FBLN2: variants seen among roughly 807,000 people sequenced by gnomAD.
FBLN2 encodes the protein fibulin 2.
A neutral mutation model predicts 123.7 loss-of-function variants in FBLN2; 81 were observed. The observed-to-expected ratio is 0.65, with a 90% CI of 0.55 to 0.79. The LOEUF is 0.79. Ranked by LOEUF, FBLN2 falls within the 30% of genes least tolerant of loss-of-function variation. FBLN2 has a pLI of 0.00. For missense variants in FBLN2, 1,603 were observed against 1,681.3 expected (o/e 0.95, Z 0.81); for synonymous variants, 699 against 701.4 (o/e 1.00, Z 0.05).
chr3:13,636,433 C>G lies in FBLN2; in HGVS notation c.3215-12C>G. 1 of 1,613,028 alleles carries G rather than the reference C, an allele frequency of 6.2e-7. No homozygotes were observed. The highest frequency in any genetic ancestry group is 1.7e-5 in the Admixed American group (1 of 59,932). On this transcript the variant is annotated splice_polypyrimidine_tract_variant and intron_variant, in intron 16 of 17. Transcript: ENST00000404922. The stretch of plus-strand genomic sequence containing the variant: ...CTGTGGGGACCCTGCCATTGCCCCT[C>G]TTCTCCCCCAGACGTGGATGAGTGT...
intron 4 of FBLN2, among the ~76,000 whole-genome samples, chr3:13,613,390 A>G (rs925053885): frequency 6.6e-6 from 1 of 152,220 alleles, no homozygotes; most frequent in Admixed American, 6.5e-5. Flanking sequence ...AAACCAATTT[A>G]TTTTTGAAGA....
chr3:13,581,025 C>T (rs1704308467), intron 2 of FBLN2, among the ~76,000 whole-genome samples: 2 of 152,194 alleles, frequency 1.3e-5, no homozygotes, highest in African/African-American at 4.8e-5. Context: ...GGCGTGTTCT[C>T]ATTGTGGAAA....
At chr3:13,612,367 T>A (rs1297993430) in intron 4 of FBLN2, among the ~76,000 whole-genome samples, 2 of 148,386 alleles carry the variant, frequency 1.3e-5, no homozygotes, top group African/African-American at 5.2e-5. Context: ...TCTGTCTGTC[T>A]GTCTCTCTGT....
chr3:13,558,408 C>T (rs2125033771), intron 1 of FBLN2, among the ~76,000 whole-genome samples: 1 of 152,198 alleles, frequency 6.6e-6, no homozygotes, highest in East Asian at 1.9e-4. Flanking sequence ...GGATCTCAGC[C>T]CTTTGTGAGA....
chr3:13,594,257 G>A (rs1199381526), intron 2 of FBLN2, among the ~76,000 whole-genome samples: 4 of 152,112 alleles, frequency 2.6e-5, no homozygotes, highest in African/African-American at 4.8e-5. Flanking sequence ...GCAGAGTTCC[G>A]TCGCTCAGAG....
At chr3:13,604,023 C>T (rs2124874119) in intron 2 of FBLN2, among the ~76,000 whole-genome samples, 1 of 152,316 alleles carries the variant, frequency 6.6e-6, no homozygotes, top group Non-Finnish European at 1.5e-5. Flanking sequence ...CTGTTGGCTG[C>T]ATAAATGTCT....
intron 2 of FBLN2, among the ~76,000 whole-genome samples, chr3:13,598,403 C>T (rs1007920031): frequency 5.9e-5 from 9 of 152,334 alleles, no homozygotes; most frequent in South Asian, 2.1e-4. Context: ...CCCAACCACA[C>T]ACCTGTGCTT....
Position 13,571,988 on chromosome 3 carries a change from A to G in FBLN2, c.1306+327A>G, listed in dbSNP as rs907552439. Among the ~76,000 whole-genome samples, 31 of 152,170 alleles carry G rather than the reference A, an allele frequency of 2.0e-4. 2 individuals are homozygous for G. The stretch of plus-strand genomic sequence containing the variant: ...GGGCCCTGAGGAGGGTTCCTGCCTC[A>G]GCCCGGTAGGCCCCCACGTGTCCTG... On this transcript the variant is annotated intron_variant, in intron 2 of 17. Coordinates refer to ENST00000404922, the MANE Select transcript of FBLN2 (RefSeq NM_001004019.2).
intron 2 of FBLN2, among the ~76,000 whole-genome samples, chr3:13,587,980 A>G (rs1445840297): frequency 2.0e-5 from 3 of 152,170 alleles, no homozygotes; most frequent in African/African-American, 7.2e-5. Context: ...CTGCACTCCA[A>G]CCACCTTGGG....
rs564266558 is a variant in FBLN2 at position 13,617,873 on chromosome 3, C to T, written c.1730-203C>T. Among the ~76,000 whole-genome samples, 188 of 148,486 alleles carry T rather than the reference C, an allele frequency of 1.3e-3. 1 individual carries two copies. The highest frequency in any genetic ancestry group is 4.3e-3 in the African/African-American group (174 of 40,284). On this transcript the variant is annotated intron_variant, in intron 5 of 17. Transcript: ENST00000404922. ...CTATACCCATCCGTCTATCTATTTA[C>T]CTGCCCACCCACCCATCTATCCATC...
intron 10 of FBLN2, 83 bp from the exon 11 acceptor site, chr3:13,627,749 G>T (rs1301664432): frequency 1.4e-6 from 2 of 1,470,816 alleles, no homozygotes; most frequent in African/African-American, 1.4e-5. Context: ...ATGGGTCTGA[G>T]GGCGGGGATG....
intron 4 of FBLN2, among the ~76,000 whole-genome samples, chr3:13,613,490 T>C (rs543238684): frequency 1.3e-5 from 2 of 152,344 alleles, no homozygotes; most frequent in East Asian, 3.9e-4. Flanking sequence ...AGCTTCCATC[T>C]TCAGGGTCAC....
chr3:13,567,018 C>T (rs1288859332), intron 1 of FBLN2, among the ~76,000 whole-genome samples: 3 of 152,198 alleles, frequency 2.0e-5, no homozygotes, highest in Admixed American at 6.5e-5. Flanking sequence ...CAGGCTTGGG[C>T]CTGATGTTCT....
At position 13,628,994 on chromosome 3, in the gene FBLN2, C is replaced by G; in HGVS notation, c.2659C>G (p.Pro887Ala). ...TVGSYTCQRNPLICARGYHAS... is the reference protein window; with the variant it reads ...TVGSYTCQRNALICARGYHAS... ...GGGCTCCTACACATGCCAGAGGAAC[C>G]CGCTGATCTGCGCGCGCGGCTACCA... Residue 887 changes from proline (P) to alanine (A), a missense_variant, in exon 12 of 18, where the codon CCG becomes GCG. Transcript: ENST00000404922. 1 of 1,613,560 alleles carries G rather than the reference C, an allele frequency of 6.2e-7. No homozygotes were observed. The highest frequency in any genetic ancestry group is 8.5e-7 in the Non-Finnish European group (1 of 1,179,794).
chr3:13,632,206 G>C (rs377250021), intron 16 of FBLN2, among the ~76,000 whole-genome samples: 3 of 152,334 alleles, frequency 2.0e-5, no homozygotes, highest in African/African-American at 7.2e-5. Flanking sequence ...GACACAGAAG[G>C]GGTCATTGCC....
chr3:13,561,607 CATG>C (rs1303741787), intron 1 of FBLN2, among the ~76,000 whole-genome samples: 8 of 152,208 alleles, frequency 5.3e-5, no homozygotes, highest in African/African-American at 1.9e-4. Context: ...CACATTTTTG[CATG>C]ATATCAGCAA....
chr3:13,618,882 C>T (rs111375171), intron 6 of FBLN2, 22 bp from the exon 7 acceptor site: 3 of 1,591,904 alleles, frequency 1.9e-6, no homozygotes, highest in Admixed American at 1.7e-5. Context: ...CTGCAACCCC[C>T]ACTCTGCTCT....
intron 9 of FBLN2, among the ~76,000 whole-genome samples, chr3:13,624,467 C>T (rs1271840178): frequency 1.3e-5 from 2 of 152,198 alleles, no homozygotes; most frequent in Admixed American, 1.3e-4. Context: ...CCAAGCCTTC[C>T]TTGGAAACCA....
intron 14 of FBLN2, 109 bp from the exon 15 acceptor site, chr3:13,630,590 C>G (rs1706222341): frequency 1.1e-6 from 1 of 893,948 alleles, no homozygotes; most frequent in Non-Finnish European, 1.7e-6. Flanking sequence ...ATAGGTCAAC[C>G]CCAGTCCAGG....
Sources: allele counts gnomAD v4.1 joint callset (sites outside exome capture counted in the v4.1 genomes callset), GRCh38; gene constraint gnomAD v4.1.1; transcripts MANE v1.5; gene names NCBI Gene and HGNC (gene_info 2026-07-23, HGNC 2026-07-21).